Variants in TUSC3 observed in about 807,000 individuals in gnomAD.
TUSC3 encodes the protein dolichyl-diphosphooligosaccharide--protein glycosyltransferase subunit TUSC3.
Under a neutral mutation model 44.8 loss-of-function variants are expected in TUSC3, and 45 were observed. The ratio of observed to expected loss-of-function variants is 1.00; its 90% confidence interval spans 0.79 to 1.29. TUSC3 has a LOEUF of 1.29. Ranked by LOEUF, TUSC3 falls within the 50% of genes most tolerant of loss-of-function variation. TUSC3 has a pLI of 0.00. For missense variants in TUSC3, 519 were observed against 437.9 expected (o/e 1.19, Z -1.65); for synonymous variants, 212 against 152.9 (o/e 1.39, Z -2.85).
At chr8:15,539,329 G>C (rs1801590888), upstream of TUSC3, among the ~76,000 whole-genome samples, 1 of 142,504 alleles carries the variant, frequency 7.0e-6, no homozygotes, top group Non-Finnish European at 1.5e-5. Context: ...TCAACATACA[G>C]TCTGCTGCTA....
At chr8:15,842,772 C>A in the TUSC3 span, among the ~76,000 whole-genome samples, 2 of 152,174 alleles carry the variant, frequency 1.3e-5, no homozygotes, top group African/African-American at 4.8e-5. Context: ...ATTGACAATT[C>A]TTTGAAACAT....
intron 1 of TUSC3, among the ~76,000 whole-genome samples, chr8:15,550,981 A>G (rs995398389): frequency 4.0e-5 from 6 of 151,744 alleles, no homozygotes; most frequent in African/African-American, 7.2e-5. Context: ...ACAAAGTGTT[A>G]AGGACCTTGT....
the TUSC3 span, among the ~76,000 whole-genome samples, chr8:15,816,685 T>G: frequency 3.9e-5 from 6 of 152,180 alleles, no homozygotes; most frequent in African/African-American, 1.4e-4. Context: ...TTTTAGTACC[T>G]AGAACAAAAG....
At chr8:15,605,051 G>T (rs1263719123) in intron 1 of TUSC3, among the ~76,000 whole-genome samples, 1 of 151,868 alleles carries the variant, frequency 6.6e-6, no homozygotes, top group Non-Finnish European at 1.5e-5. Context: ...GAACTAAGGT[G>T]TTAGTCAGTA....
intron 1 of TUSC3, among the ~76,000 whole-genome samples, chr8:15,600,507 A>C (rs1804240622): frequency 6.6e-6 from 1 of 151,622 alleles, no homozygotes; most frequent in Non-Finnish European, 1.5e-5. Context: ...TTTTATCATT[A>C]TTGTGACCGT....
intron 2 of TUSC3, among the ~76,000 whole-genome samples, chr8:15,643,648 G>C (rs1434392467): frequency 2.0e-5 from 3 of 152,124 alleles, no homozygotes; most frequent in Non-Finnish European, 2.9e-5. Context: ...CTTACATCTA[G>C]TGAATTATTC....
chr8:15,573,454 G>C (rs919281852), intron 1 of TUSC3, among the ~76,000 whole-genome samples: 3 of 151,800 alleles, frequency 2.0e-5, no homozygotes. Flanking sequence ...AGATTGTGCT[G>C]CTGAAGATAG....
chr8:15,597,608 T>G (rs999439279), intron 1 of TUSC3, among the ~76,000 whole-genome samples: 3 of 152,246 alleles, frequency 2.0e-5, no homozygotes, highest in Admixed American at 6.6e-5. Flanking sequence ...AAAATACTAG[T>G]TGTATAAGCT....
chr8:15,513,009 T>C (rs1801163419), intron 2 of TUSC3, among the ~76,000 whole-genome samples: 1 of 146,960 alleles, frequency 6.8e-6, no homozygotes, highest in African/African-American at 2.5e-5. Context: ...CAAATTTTTT[T>C]CCCAGATTGC....
At chr8:15,830,469 T>C in the TUSC3 span, among the ~76,000 whole-genome samples, 1 of 152,190 alleles carries the variant, frequency 6.6e-6, no homozygotes, top group African/African-American at 2.4e-5. Flanking sequence ...TGTATATTTA[T>C]TGCAGCACTA....
intron 1 of TUSC3, among the ~76,000 whole-genome samples, chr8:15,444,532 A>G (rs185365301): frequency 7.2e-5 from 11 of 152,310 alleles, no homozygotes; most frequent in Non-Finnish European, 1.6e-4. Context: ...ATGGTGGAAG[A>G]TGACGAACCT....
chr8:15,429,562 G>T (rs971076004), intron 1 of TUSC3, among the ~76,000 whole-genome samples: 1 of 123,626 alleles, frequency 8.1e-6, no homozygotes, highest in South Asian at 2.6e-4. Flanking sequence ...ACCTTGTGCA[G>T]TATGGCCATT....
At chr8:15,806,265 C>G in the TUSC3 span, 2 of 607,342 alleles carry the variant, frequency 3.3e-6, no homozygotes, top group Non-Finnish European at 6.3e-6. Flanking sequence ...AGGTGGCAGT[C>G]TGGGGATGTT....
At position 15,730,601 on chromosome 8, in the gene TUSC3, C is replaced by G. The variant is rs372183872; in HGVS notation, c.799-65C>G. The G allele has an allele frequency of 6.7e-5, 102 of 1,522,312 alleles. No homozygotes were observed. In the East Asian group the frequency reaches 1.8e-3, roughly 27 times the overall value. The allele number at this position is 1,522,312 out of a possible 1,614,324, so 94.3% of individuals were successfully genotyped here. ...ATTTTTCCATTGTTTATCTTCATGACTTAAAACTACAAAATAATTATGAGG... is the reference window on the plus strand; with the variant it reads ...ATTTTTCCATTGTTTATCTTCATGAGTTAAAACTACAAAATAATTATGAGG... On this transcript the variant is annotated intron_variant, in intron 6 of 10. Transcript: ENST00000503731.
intron 1 of TUSC3, among the ~76,000 whole-genome samples, chr8:15,559,595 C>T (rs150366492): frequency 0.033 from 4,616 of 139,996 alleles, 916 homozygotes; most frequent in East Asian, 0.29. Context: ...CTAATGTTGA[C>T]GGTGGGGTGC....
intron 2 of TUSC3, among the ~76,000 whole-genome samples, chr8:15,517,521 G>GAAA (rs1801234294): frequency 1.8e-5 from 1 of 54,288 alleles, no homozygotes; most frequent in East Asian, 5.9e-4. Flanking sequence ...TTAGCGTGAG[G>GAAA]CAAAAAAAAA....
At chr8:15,535,378 G>A (rs1256814650), upstream of TUSC3, among the ~76,000 whole-genome samples, 1 of 152,168 alleles carries the variant, frequency 6.6e-6, no homozygotes, top group Non-Finnish European at 1.5e-5. Flanking sequence ...AGAATGACAT[G>A]ATTAGTGCTG....
the TUSC3 span, among the ~76,000 whole-genome samples, chr8:15,787,840 C>T: frequency 2.0e-5 from 3 of 152,174 alleles, no homozygotes; most frequent in African/African-American, 7.2e-5. Context: ...AAAGAATTAA[C>T]ATGTGCCAGG....
intron 1 of TUSC3, among the ~76,000 whole-genome samples, chr8:15,474,326 C>T (rs938185921): frequency 6.6e-6 from 1 of 152,050 alleles, no homozygotes. Context: ...TCACAGTGGT[C>T]CTGAGGTGAT....
Sources: gnomAD v4.1 joint callset for allele counts (sites outside exome capture counted in the v4.1 genomes callset) on GRCh38, gnomAD v4.1.1 for gene constraint, MANE v1.5 for transcripts, NCBI Gene and HGNC (gene_info 2026-07-23, HGNC 2026-07-21) for gene names.